TMEM272: variants seen among roughly 807,000 people sequenced by gnomAD.
TMEM272 encodes the protein transmembrane protein 272.
A neutral mutation model predicts 3.7 loss-of-function variants in TMEM272; 8 were observed. The observed-to-expected ratio is 2.17, with a 90% CI of 1.27 to 3.91. The LOEUF (loss-of-function observed/expected upper bound fraction) is 3.91. Among genes scored for constraint, TMEM272 ranks in the 30% most tolerant of loss-of-function variants. The pLI, the probability that TMEM272 is intolerant of heterozygous loss-of-function variation, is 0.00. For missense variants in TMEM272, 166 were observed against 91.5 expected (o/e 1.81, Z -3.32); for synonymous variants, 63 against 39.8 (o/e 1.58, Z -2.20).
the TMEM272 span, among the ~76,000 whole-genome samples, chr13:51,899,663 T>C: frequency 3.3e-5 from 5 of 152,148 alleles, no homozygotes; most frequent in African/African-American, 1.2e-4. Flanking sequence ...AAAGTTAATA[T>C]AAAAATGCAA....
intron 2 of TMEM272, among the ~76,000 whole-genome samples, chr13:51,829,335 G>GA (rs745510157): frequency 1.1e-4 from 16 of 152,270 alleles, no homozygotes; most frequent in Admixed American, 2.0e-4. Flanking sequence ...GACTGCAGAA[G>GA]AAAGGAAAAA....
At chr13:51,817,315 A>C (rs1956041474) in intron 4 of TMEM272, among the ~76,000 whole-genome samples, 1 of 152,242 alleles carries the variant, frequency 6.6e-6, no homozygotes, top group Non-Finnish European at 1.5e-5. Context: ...AAGAATTAAA[A>C]CTGGCAAGAA....
chr13:51,932,630 G>A, the TMEM272 span: 3 of 152,176 alleles, frequency 2.0e-5, no homozygotes, highest in South Asian at 2.1e-4. Flanking sequence ...AAGACAAGAC[G>A]GCACTGGCCT....
chr13:51,816,798 A>G lies in TMEM272; in HGVS notation c.517T>C (p.Cys173Arg). Residue 173 changes from cysteine to arginine, a missense_variant, in exon 5 of 5, where the codon TGT becomes CGT. Physicochemically the swap from Cys to Arg is radical, Grantham distance 180. Coordinates refer to ENST00000629372, the MANE Select transcript of TMEM272 (RefSeq NM_001351003.2). ...CTCCACCTGGAGCACAGGTAGACAC[A>G]GCCGCTGCACAGCAGGAGCAAGACC... The part of the protein sequence containing the change: ...VLVLLLLCSG[C>R]VYLCSRWRLA... The G allele has an allele frequency of 1.4e-6, 1 of 702,902 alleles. No individual in the cohort carries two copies. Among genetic ancestry groups the G allele is most frequent in the South Asian group, 1.5e-5 (1 of 67,592 alleles). The allele number at this position is 702,902 out of a possible 1,614,324, so 43.5% of individuals were successfully genotyped here. A position where few individuals can be genotyped will look rare whatever the true frequency, so the allele number is the denominator to read the frequency against.
chr13:51,857,726 G>C, the TMEM272 span, among the ~76,000 whole-genome samples: 58 of 151,962 alleles, frequency 3.8e-4, no homozygotes, highest in African/African-American at 1.4e-3. Context: ...ACAGGTAGGA[G>C]TAGAAAAAAC....
At chr13:51,824,423 A>G (rs577391348) in intron 3 of TMEM272, among the ~76,000 whole-genome samples, 1 of 152,360 alleles carries the variant, frequency 6.6e-6, no homozygotes, top group South Asian at 2.1e-4. Context: ...ATTCATCGGC[A>G]TAATTACATG....
At chr13:51,912,845 G>A in the TMEM272 span, among the ~76,000 whole-genome samples, 10 of 152,176 alleles carry the variant, frequency 6.6e-5, no homozygotes, top group Non-Finnish European at 1.5e-4. Flanking sequence ...ATACATACAC[G>A]AATGAAGCAG....
At chr13:51,901,191 C>T in the TMEM272 span, among the ~76,000 whole-genome samples, 2 of 152,058 alleles carry the variant, frequency 1.3e-5, no homozygotes, top group Non-Finnish European at 2.9e-5. Flanking sequence ...AATGTCCACA[C>T]AACCTCATCT....
intron 1 of TMEM272, among the ~76,000 whole-genome samples, chr13:51,839,173 G>C (rs1362004551): frequency 1.3e-5 from 2 of 152,112 alleles, no homozygotes; most frequent in Admixed American, 6.5e-5. Context: ...GCACCACCCC[G>C]GCTCCCCTGT....
At chr13:51,907,440 T>C in the TMEM272 span, among the ~76,000 whole-genome samples, 1 of 152,116 alleles carries the variant, frequency 6.6e-6, no homozygotes, top group African/African-American at 2.4e-5. Flanking sequence ...GCCTACTTCA[T>C]CAGCCTTCCA....
upstream of TMEM272, among the ~76,000 whole-genome samples, chr13:51,845,346 C>T (rs929594594): frequency 6.6e-6 from 1 of 152,122 alleles, no homozygotes; most frequent in Non-Finnish European, 1.5e-5. Flanking sequence ...TTAGGAATTC[C>T]CGCGGGAAAC....
the TMEM272 span, among the ~76,000 whole-genome samples, chr13:51,875,711 C>A: frequency 1.3e-5 from 2 of 152,210 alleles, no homozygotes; most frequent in Non-Finnish European, 2.9e-5. Flanking sequence ...AAGAAAAGAA[C>A]CTCCTTGCAG....
At chr13:51,919,486 T>G in the TMEM272 span, among the ~76,000 whole-genome samples, 1 of 152,212 alleles carries the variant, frequency 6.6e-6, no homozygotes, top group Non-Finnish European at 1.5e-5. Context: ...AGACCATGTT[T>G]GTACTTTGAC....
chr13:51,905,998 G>A, the TMEM272 span, among the ~76,000 whole-genome samples: 5 of 152,318 alleles, frequency 3.3e-5, no homozygotes, highest in Admixed American at 1.3e-4. Flanking sequence ...GCAGAGGAAC[G>A]TGCACTGTAC....
the TMEM272 span, among the ~76,000 whole-genome samples, chr13:51,864,726 C>T: frequency 6.6e-6 from 1 of 152,174 alleles, no homozygotes; most frequent in African/African-American, 2.4e-5. Flanking sequence ...ACTGGAGCTG[C>T]GGGTCATCTG....
At chr13:51,849,824 G>T (rs1956322976), upstream of TMEM272, among the ~76,000 whole-genome samples, 1 of 152,212 alleles carries the variant, frequency 6.6e-6, no homozygotes, top group African/African-American at 2.4e-5. Flanking sequence ...AAGTGTCAGG[G>T]TTGGGAAAAT....
At chr13:51,923,007 C>T in the TMEM272 span, among the ~76,000 whole-genome samples, 13 of 152,298 alleles carry the variant, frequency 8.5e-5, no homozygotes, top group South Asian at 2.1e-4. Flanking sequence ...TCTGAGGATT[C>T]GGATGAGGAT....
At chr13:51,872,932 T>C in the TMEM272 span, among the ~76,000 whole-genome samples, 1 of 152,168 alleles carries the variant, frequency 6.6e-6, no homozygotes, top group Non-Finnish European at 1.5e-5. Context: ...CCCCCTCTTC[T>C]GGGAAGCCCC....
rs142958558 is a variant in TMEM272, at chr13:51,818,072, C to A, written c.202-959G>T. Among the ~76,000 whole-genome samples, 304 of 152,292 alleles carry A rather than the reference C, an allele frequency of 2.0e-3. 1 individual carries two copies. The highest frequency in any genetic ancestry group is 3.5e-3 in the Non-Finnish European group (240 of 68,028). ...GTTTTTGAAAGCCTGACCTGTGTAT[C>A]TGCTCTCTCTGGCTTCCTAGGCTAC... On this transcript the variant is annotated intron_variant, in intron 4 of 4. Transcript: ENST00000629372.
Sources: gnomAD v4.1 joint callset for allele counts (sites outside exome capture counted in the v4.1 genomes callset) on GRCh38, gnomAD v4.1.1 for gene constraint, MANE v1.5 for transcripts, NCBI Gene and HGNC (gene_info 2026-07-23, HGNC 2026-07-21) for gene names.